ZNF891: variants seen among roughly 807,000 people sequenced by gnomAD.
ZNF891 encodes the protein zinc finger protein 891.
For missense variants in ZNF891, 589 were observed against 632.7 expected, an observed-to-expected ratio of 0.93 and a Z score of 0.74; for synonymous variants, 199 against 209.0, an observed-to-expected ratio of 0.95 and a Z score of 0.41.
rs980130109 is a variant in ZNF891 at position 133,112,115 on chromosome 12, A to T, written c.*8169T>A. The T allele has an allele frequency of 1.3e-5, 2 of 152,080 alleles. No individual in the cohort carries two copies. The highest frequency in any genetic ancestry group is 2.4e-5 in the African/African-American group (1 of 41,400). 9.4% of individuals were successfully genotyped at this position (152,080 alleles called of 1,614,324 possible). On this transcript the variant is annotated 3_prime_UTR_variant, in exon 2 of 2. Coordinates refer to ENST00000537226, the MANE Select transcript of ZNF891 (RefSeq NM_001277291.2). ...TCTGGTTTCACATACTCTTCTCCTT[A>T]CCCCTTTGCCTAACAGTTTTCCATT...
Position 133,120,188 on chromosome 12 carries a change from T to C in ZNF891, c.*96A>G. 1.0e-6 allele frequency: 1 copy of C among 998,998 alleles called. No homozygotes were observed. Among genetic ancestry groups the C allele is most frequent in the Non-Finnish European group, 1.4e-6 (1 of 720,682 alleles). The allele number at this position is 998,998 out of a possible 1,614,324, so 61.9% of individuals were successfully genotyped here. On this transcript the variant is annotated 3_prime_UTR_variant, in exon 2 of 2. Transcript: ENST00000537226. ...GTTATATTAAAAAAAGAGCCATTTG[T>C]AACCTTAAATCGTTCTTTTAGAGAA...
intron 1 of ZNF891, among the ~76,000 whole-genome samples, chr12:133,129,244 G>A (rs1376157223): frequency 1.3e-5 from 2 of 152,140 alleles, no homozygotes; most frequent in African/African-American, 4.8e-5. Context: ...GCTCACGCTT[G>A]TAATCTCAGC....
At position 133,106,604 on chromosome 12, in the gene ZNF891, T is replaced by C; in HGVS notation, c.*13680A>G. On this transcript the variant is annotated 3_prime_UTR_variant, in exon 2 of 2. Coordinates refer to ENST00000537226, the MANE Select transcript of ZNF891 (RefSeq NM_001277291.2). ...ACACACTCTTGACAACCCCTATGAATATGAAAATTCATTTAATTACCACTC... is the reference window on the plus strand; with the variant it reads ...ACACACTCTTGACAACCCCTATGAACATGAAAATTCATTTAATTACCACTC... 2 of 1,606,530 alleles carry C rather than the reference T, an allele frequency of 1.2e-6. No homozygotes were observed. The highest frequency in any genetic ancestry group is 1.7e-6 in the Non-Finnish European group (2 of 1,177,928).
Position 133,113,316 on chromosome 12 carries a change from A to G in ZNF891, c.*6968T>C, listed in dbSNP as rs984197321. 6.6e-6 allele frequency: 1 copy of G among 152,058 alleles called. No homozygotes were observed. The highest frequency in any genetic ancestry group is 6.5e-5 in the Admixed American group (1 of 15,274). The allele number at this position is 152,058 out of a possible 1,614,324, so 9.4% of individuals were successfully genotyped here. Reference sequence around the variant, plus strand: ...CACAGCTCTGTTCACTAAACTAGACATCTTAAAAAAAGACAAAAGAAAAAA... The same window carrying G: ...CACAGCTCTGTTCACTAAACTAGACGTCTTAAAAAAAGACAAAAGAAAAAA... On this transcript the variant is annotated 3_prime_UTR_variant, in exon 2 of 2. Coordinates refer to ENST00000537226, the MANE Select transcript of ZNF891 (RefSeq NM_001277291.2).
rs540164986 is a variant in ZNF891 at position 133,105,658 on chromosome 12, T to G, written c.*14626A>C. The G allele has an allele frequency of 6.2e-7, 1 of 1,614,198 alleles. No individual in the cohort carries two copies. Among genetic ancestry groups the G allele is most frequent in the East Asian group, 2.2e-5 (1 of 44,880 alleles). ...GAGGCTGGAAATGCAAGGATCATAC[T>G]GAGATGCTGCAAGAAAATCAGGGAT... On this transcript the variant is annotated 3_prime_UTR_variant, in exon 2 of 2. Coordinates refer to ENST00000537226, the MANE Select transcript of ZNF891 (RefSeq NM_001277291.2).
At position 133,106,061 on chromosome 12, in the gene ZNF891, C is replaced by T. The variant is rs933634302; in HGVS notation, c.*14223G>A. The T allele has an allele frequency of 4.3e-6, 7 of 1,613,914 alleles. No individual in the cohort carries two copies. Among genetic ancestry groups the T allele is most frequent in the South Asian group, 1.1e-5 (1 of 91,042 alleles). ...CTTTAGCCGTGCCTCCAACCTCACT[C>T]GACATCAAAGAATTCACATAGGAAA... On this transcript the variant is annotated 3_prime_UTR_variant, in exon 2 of 2. Transcript: ENST00000537226.
chr12:133,127,755 T>C (rs1335132726), intron 1 of ZNF891, among the ~76,000 whole-genome samples: 2 of 152,228 alleles, frequency 1.3e-5, no homozygotes, highest in African/African-American at 4.8e-5. Flanking sequence ...GCGTGCTGCA[T>C]GCCTACAGAG....
Position 133,120,607 on chromosome 12 carries a change from C to G in ZNF891, c.1312G>C (p.Gly438Arg). ...GEKLYECSECGKAFNTSSHLK... is the reference protein window; with the variant it reads ...GEKLYECSECRKAFNTSSHLK... Reference sequence around the variant, plus strand: ...TGAGAGCTCGTGTTGAAGGCTTTTCCACACTCACTGCATTCATAGAGTTTT... The same window carrying G: ...TGAGAGCTCGTGTTGAAGGCTTTTCGACACTCACTGCATTCATAGAGTTTT... The change falls in exon 2 of 2, where the codon GGA (glycine) becomes CGA (arginine). Residue 438 changes from glycine to arginine, a missense_variant. Gly to Arg is a moderately radical substitution (Grantham distance 125). Coordinates refer to ENST00000537226, the MANE Select transcript of ZNF891 (RefSeq NM_001277291.2). 1 of 1,560,610 alleles carries G rather than the reference C, an allele frequency of 6.4e-7. No homozygotes were observed. The highest frequency in any genetic ancestry group is 1.2e-5 in the South Asian group (1 of 85,208).
rs2137590246 is a variant in ZNF891 at position 133,105,592 on chromosome 12, A to G, written c.*14692T>C. On this transcript the variant is annotated 3_prime_UTR_variant, in exon 2 of 2. Coordinates refer to ENST00000537226, the MANE Select transcript of ZNF891 (RefSeq NM_001277291.2). ...ACTCATCCCAGTATTTGATCATGGA[A>G]AGAATTCTAAGTCAAGGCCCTGTGT... The G allele has an allele frequency of 6.2e-7, 1 of 1,614,174 alleles. No individual in the cohort carries two copies. Among genetic ancestry groups the G allele is most frequent in the East Asian group, 2.2e-5 (1 of 44,872 alleles).
At position 133,121,741 on chromosome 12, in the gene ZNF891, G is replaced by C. The variant is rs1454037996; in HGVS notation, c.178C>G (p.Leu60Val). ...VEFTQEEWMMLDSAQRSLYRD... is the reference protein window; with the variant it reads ...VEFTQEEWMMVDSAQRSLYRD... ...TACAGACTTCTTTGAGCAGAATCCAGCATCATCCACTCCTCCTGAGTGAAC... is the reference window on the plus strand; with the variant it reads ...TACAGACTTCTTTGAGCAGAATCCACCATCATCCACTCCTCCTGAGTGAAC... The change falls in exon 2 of 2, where the codon CTG becomes GTG. Residue 60 changes from leucine (L) to valine (V), a missense_variant. Physicochemically the swap from Leu to Val is conservative, Grantham distance 32. Coordinates refer to ENST00000537226, the MANE Select transcript of ZNF891 (RefSeq NM_001277291.2). The C allele has an allele frequency of 6.5e-7, 1 of 1,536,816 alleles. No homozygotes were observed.
At position 133,107,929 on chromosome 12, in the gene ZNF891, G is replaced by C. The variant is rs2137604582; in HGVS notation, c.*12355C>G. 6.6e-6 allele frequency: 1 copy of C among 152,280 alleles called. No homozygotes were observed. The highest frequency in any genetic ancestry group is 1.5e-5 in the Non-Finnish European group (1 of 68,014). 9.4% of individuals were successfully genotyped at this position (152,280 alleles called of 1,614,324 possible). A position where few individuals can be genotyped will look rare whatever the true frequency, so the allele number is the denominator to read the frequency against. The stretch of plus-strand genomic sequence containing the variant: ...GGCACATTTGTAGGAGGTGTTATTA[G>C]ATAAATATAAGTAATTTTGTAAGAG... On this transcript the variant is annotated 3_prime_UTR_variant, in exon 2 of 2. Coordinates refer to ENST00000537226, the MANE Select transcript of ZNF891 (RefSeq NM_001277291.2).
rs1955855469 is a variant in ZNF891, at chr12:133,129,664, C to T, written c.-107+563G>A. On this transcript the variant is annotated intron_variant, in intron 1 of 1. Coordinates refer to ENST00000537226, the MANE Select transcript of ZNF891 (RefSeq NM_001277291.2). ...TGTGCTGTCCAAATTATTCATGAAG[C>T]TTGTAAAATCTTGTTAGTATAACGG... Among the ~76,000 whole-genome samples the T allele has an allele frequency of 2.0e-5, 3 of 152,046 alleles. No homozygotes were observed. The South Asian group carries it at 6.2e-4, about 31-fold the overall frequency.
At position 133,121,941 on chromosome 12, in the gene ZNF891, C is replaced by G. The variant is rs558219187; in HGVS notation, c.-23G>C. ...CATTTTATGAGTACATAAGCCTGCA[C>G]AGTAGAGTAGAGAGATCAGGATGTT... is the stretch of plus-strand genomic sequence containing the variant. On this transcript the variant is annotated 5_prime_UTR_variant, in exon 2 of 2. Coordinates refer to ENST00000537226, the MANE Select transcript of ZNF891 (RefSeq NM_001277291.2). 4 of 1,512,278 alleles carry G rather than the reference C, an allele frequency of 2.6e-6. No homozygotes were observed. Among genetic ancestry groups the G allele is most frequent in the South Asian group, 2.5e-5 (2 of 79,570 alleles). The allele number at this position is 1,512,278 out of a possible 1,614,324, so 93.7% of individuals were successfully genotyped here. A position where few individuals can be genotyped will look rare whatever the true frequency, so the allele number is the denominator to read the frequency against.
rs1955741179 is a variant in ZNF891, at chr12:133,120,181, C to T, written c.*103G>A. The T allele has an allele frequency of 1.1e-6, 1 of 876,872 alleles. No individual in the cohort carries two copies. The highest frequency in any genetic ancestry group is 1.6e-6 in the Non-Finnish European group (1 of 612,662). The allele number at this position is 876,872 out of a possible 1,614,324, so 54.3% of individuals were successfully genotyped here. A position where few individuals can be genotyped will look rare whatever the true frequency, so the allele number is the denominator to read the frequency against. On this transcript the variant is annotated 3_prime_UTR_variant, in exon 2 of 2. Coordinates refer to ENST00000537226, the MANE Select transcript of ZNF891 (RefSeq NM_001277291.2). ...AGAAAATGTTATATTAAAAAAAGAG[C>T]CATTTGTAACCTTAAATCGTTCTTT...
intron 1 of ZNF891, among the ~76,000 whole-genome samples, chr12:133,126,335 G>A (rs1430599775): frequency 6.6e-6 from 1 of 151,928 alleles, no homozygotes. Flanking sequence ...TTAGCCGGGC[G>A]TGGTGGTGGG....
In ZNF891 at chr12:133,121,807, A is replaced by C. The variant is rs1288748368; in HGVS notation, c.112T>G (p.Trp38Gly). The stretch of plus-strand genomic sequence containing the variant: ...TTGAAAGTCATTGGTTCCTGTAACC[A>C]GGTTGTCAGAAATACAGCAATCATC... ...ERMIAVFLTT[W>G]LQEPMTFKDV... Residue 38 changes from tryptophan (W) to glycine (G), a missense_variant, in exon 2 of 2, where the codon TGG (tryptophan) becomes GGG (glycine). By Grantham distance (184) the Trp-to-Gly change is radical. Transcript: ENST00000537226. 1 of 1,536,816 alleles carries C rather than the reference A, an allele frequency of 6.5e-7. No individual in the cohort carries two copies. The highest frequency in any genetic ancestry group is 2.4e-5 in the East Asian group (1 of 40,922).
rs550203150 is a variant in ZNF891 at position 133,115,390 on chromosome 12, CAAAAAAAAAAA to C, written c.*4883_*4893del. On this transcript the variant is annotated 3_prime_UTR_variant, in exon 2 of 2. Coordinates refer to ENST00000537226, the MANE Select transcript of ZNF891 (RefSeq NM_001277291.2). ...CCTGGGAAAAAGCAAAACTCCTTCT[CAAAAAAAAAAA>C]AAAAAAAAAAAAAAAGATGTGGGAT... The C allele has an allele frequency of 5.8e-5, 2 of 34,354 alleles. 1 individual carries two copies. The highest frequency in any genetic ancestry group is 1.8e-4 in the African/African-American group (2 of 11,046). 2.1% of individuals were successfully genotyped at this position (34,354 alleles called of 1,614,324 possible).
chr12:133,108,945 A>AGT lies in ZNF891; in HGVS notation c.*11337_*11338dup. 6.6e-6 allele frequency: 1 copy of AGT among 152,346 alleles called. No individual in the cohort carries two copies. The highest frequency in any genetic ancestry group is 2.1e-4 in the South Asian group (1 of 4,832). The allele number at this position is 152,346 out of a possible 1,614,324, so 9.4% of individuals were successfully genotyped here. On this transcript the variant is annotated 3_prime_UTR_variant, in exon 2 of 2. Coordinates refer to ENST00000537226, the MANE Select transcript of ZNF891 (RefSeq NM_001277291.2). ...TGAAAAGTCATACTGGATGGAATCCAGTGTCCAATCTTTTGGCATCCCTGG... is the reference window on the plus strand; with the variant it reads ...TGAAAAGTCATACTGGATGGAATCCAGTGTGTCCAATCTTTTGGCATCCCTGG...
At position 133,106,358 on chromosome 12, in the gene ZNF891, G is replaced by C. The variant is rs773774912; in HGVS notation, c.*13926C>G. On this transcript the variant is annotated 3_prime_UTR_variant, in exon 2 of 2. Transcript: ENST00000537226. ...TGGAGAAAAGCTCTATGAATGTGAT[G>C]AATGTGGTAAAGTTTTCACTTGGCA... 1.2e-6 allele frequency: 2 copies of C among 1,614,048 alleles called. No individual in the cohort carries two copies.
Sources: gnomAD v4.1 joint callset for allele counts (sites outside exome capture counted in the v4.1 genomes callset) on GRCh38, gnomAD v4.1.1 for gene constraint, MANE v1.5 for transcripts, NCBI Gene and HGNC (gene_info 2026-07-23, HGNC 2026-07-21) for gene names.